Variants in HNMT observed in about 807,000 individuals in gnomAD.
HNMT encodes the protein histamine N-methyltransferase.
HNMT carries 30 observed loss-of-function variants against 32.1 expected under a neutral mutation model. The observed-to-expected ratio is 0.93, with a 90% CI of 0.70 to 1.27. HNMT has a LOEUF of 1.27. HNMT is among the 50% of genes most tolerant of loss of function. The pLI is 0.00. For synonymous variants in HNMT, 125 were observed against 119.0 expected (o/e 1.05, Z -0.33); for missense variants, 327 against 346.0 (o/e 0.95, Z 0.43).
intron 2 of HNMT, among the ~76,000 whole-genome samples, chr2:137,990,470 C>T (rs1371166660): frequency 6.6e-6 from 1 of 152,250 alleles, no homozygotes; most frequent in East Asian, 1.9e-4. Flanking sequence ...CATTACCAGG[C>T]TGTTTTGATT....
At chr2:138,010,049 C>A (rs548765240) in intron 5 of HNMT, among the ~76,000 whole-genome samples, 1 of 152,066 alleles carries the variant, frequency 6.6e-6, no homozygotes, top group Admixed American at 6.6e-5. Context: ...ATGGAATTTG[C>A]TTCATAATTA....
At chr2:137,986,166 C>A (rs1157069422) in intron 2 of HNMT, among the ~76,000 whole-genome samples, 1 of 150,098 alleles carries the variant, frequency 6.7e-6, no homozygotes, top group Non-Finnish European at 1.5e-5. Flanking sequence ...CACTTGCATA[C>A]AAAATAATAA....
At chr2:138,005,304 T>G in intron 5 of HNMT, 79 bp downstream of exon 5, 1 of 760,514 alleles carries the variant, frequency 1.3e-6, no homozygotes. Context: ...TGAAAGAAGC[T>G]TATATATTTT....
intron 1 of HNMT, among the ~76,000 whole-genome samples, chr2:137,968,987 C>A (rs1487580682): frequency 6.6e-6 from 1 of 152,182 alleles, no homozygotes. Context: ...TCTGCTTCCT[C>A]ATTTTTGAGC....
chr2:137,966,629 T>C (rs1165344159), intron 1 of HNMT, among the ~76,000 whole-genome samples: 1 of 152,212 alleles, frequency 6.6e-6, no homozygotes, highest in African/African-American at 2.4e-5. Flanking sequence ...TTGATTTTGG[T>C]TTCTTTTCTT....
chr2:137,973,568 G>T (rs1680196395), intron 2 of HNMT, among the ~76,000 whole-genome samples: 1 of 152,108 alleles, frequency 6.6e-6, no homozygotes, highest in South Asian at 2.1e-4. Flanking sequence ...TCCCATTTCT[G>T]TCTTAGTTTA....
chr2:137,986,467 C>A (rs1680654565), intron 2 of HNMT, among the ~76,000 whole-genome samples: 2 of 152,016 alleles, frequency 1.3e-5, no homozygotes, highest in African/African-American at 4.8e-5. Context: ...CCAGAAATGA[C>A]CAGTTCCAGC....
At chr2:138,007,555 G>A (rs1296863759) in intron 5 of HNMT, among the ~76,000 whole-genome samples, 4 of 151,842 alleles carry the variant, frequency 2.6e-5, no homozygotes, top group Non-Finnish European at 5.9e-5. Flanking sequence ...AGTAACTTGG[G>A]TAATCCATCC....
At chr2:137,998,019 G>A (rs1469642975) in intron 2 of HNMT, among the ~76,000 whole-genome samples, 1 of 152,064 alleles carries the variant, frequency 6.6e-6, no homozygotes, top group Non-Finnish European at 1.5e-5. Flanking sequence ...GGCCTGTTGG[G>A]GGTTGGGGTT....
chr2:137,976,289 A>G, intron 2 of HNMT, among the ~76,000 whole-genome samples: 1 of 151,886 alleles, frequency 6.6e-6, no homozygotes, highest in African/African-American at 2.4e-5. Flanking sequence ...ACAAAAAAAA[A>G]AAAACCTGTC....
chr2:137,980,181 G>A (rs750146482), intron 2 of HNMT, among the ~76,000 whole-genome samples: 18 of 152,052 alleles, frequency 1.2e-4, no homozygotes, highest in South Asian at 4.1e-4. Context: ...GACTACAGGC[G>A]TCAGCCACCA....
chr2:138,005,903 A>G (rs2104981806), intron 5 of HNMT, among the ~76,000 whole-genome samples: 1 of 148,932 alleles, frequency 6.7e-6, no homozygotes, highest in Middle Eastern at 3.4e-3. Flanking sequence ...TGGATTTTCT[A>G]CCAGTACTTA....
At chr2:137,967,075 G>A in intron 1 of HNMT, 2 of 780,510 alleles carry the variant, frequency 2.6e-6, no homozygotes, top group Admixed American at 1.7e-5. Flanking sequence ...AGATCTAAAG[G>A]TACTTTTCCA....
At position 138,015,369 on chromosome 2, in the gene HNMT, C is replaced by T. The variant is rs907485449; in HGVS notation, c.*1239C>T. The T allele has an allele frequency of 2.6e-5, 4 of 152,044 alleles. No individual in the cohort carries two copies. The highest frequency in any genetic ancestry group is 9.7e-5 in the African/African-American group (4 of 41,410). 9.4% of individuals were successfully genotyped at this position (152,044 alleles called of 1,614,324 possible). A position where few individuals can be genotyped will look rare whatever the true frequency, so the allele number is the denominator to read the frequency against. ...CTGCCAGTGAGGAAGCCTTCAACCCCGTGTGATACTCACTCTTTCATGCAA... is the reference window on the plus strand; with the variant it reads ...CTGCCAGTGAGGAAGCCTTCAACCCTGTGTGATACTCACTCTTTCATGCAA... On this transcript the variant is annotated 3_prime_UTR_variant, in exon 6 of 6. Transcript: ENST00000280097.
At chr2:137,967,374 C>T in intron 1 of HNMT, 1 of 413,208 alleles carries the variant, frequency 2.4e-6, no homozygotes, top group East Asian at 3.7e-5. Flanking sequence ...CTGCTCTCAG[C>T]CTGGATGACA....
chr2:137,977,817 G>A (rs532454949), intron 2 of HNMT, among the ~76,000 whole-genome samples: 24 of 151,930 alleles, frequency 1.6e-4, no homozygotes, highest in Middle Eastern at 6.8e-3. Context: ...GGCCCTGCTG[G>A]TTGTTAAAAA....
intron 2 of HNMT, among the ~76,000 whole-genome samples, chr2:137,987,045 T>G (rs1680671235): frequency 6.6e-6 from 1 of 152,218 alleles, no homozygotes; most frequent in Admixed American, 6.5e-5. Context: ...TATGTTTGAA[T>G]AGAGTTTGTT....
chr2:137,981,217 T>C, intron 2 of HNMT: 2 of 1,613,478 alleles, frequency 1.2e-6, no homozygotes, highest in East Asian at 2.2e-5. Context: ...GACCTGCAGA[T>C]TGTCTCATTC....
chr2:137,969,769 A>C (rs1680067019), intron 1 of HNMT, among the ~76,000 whole-genome samples: 1 of 152,176 alleles, frequency 6.6e-6, no homozygotes, highest in South Asian at 2.1e-4. Context: ...AAGGTTAAAA[A>C]AAGGGGGAGG....
Sources: gnomAD v4.1 joint callset for allele counts (sites outside exome capture counted in the v4.1 genomes callset) on GRCh38, gnomAD v4.1.1 for gene constraint, MANE v1.5 for transcripts, NCBI Gene and HGNC (gene_info 2026-07-23, HGNC 2026-07-21) for gene names.